SEC24C: variants seen among roughly 807,000 people sequenced by gnomAD.
The protein encoded by SEC24C is protein transport protein Sec24C.
A neutral mutation model predicts 117.0 loss-of-function variants in SEC24C; 22 were observed. That is an observed-to-expected ratio of 0.19 (90% CI 0.13 to 0.27). SEC24C has a LOEUF of 0.27. Ranked by LOEUF, SEC24C falls within the 10% of genes least tolerant of loss-of-function variation. The pLI is 1.00. For missense variants in SEC24C, 1,155 were observed against 1,375.1 expected (o/e 0.84, Z 2.53); for synonymous variants, 506 against 529.4 (o/e 0.96, Z 0.61).
intron 4 of SEC24C, 80 bp from the exon 5 acceptor site, chr10:73,759,936 CTT>C (rs2082770470): frequency 6.6e-7 from 1 of 1,504,616 alleles, no homozygotes; most frequent in Non-Finnish European, 8.9e-7. Context: ...ATTTGCCCCT[CTT>C]GTGTGGAAAG....
In SEC24C at chr10:73,770,149, CTG is replaced by C. The variant is rs1197920249; in HGVS notation, c.2863-130_2863-129del. On this transcript the variant is annotated intron_variant, in intron 20 of 22. Coordinates refer to ENST00000345254, the MANE Select transcript of SEC24C (RefSeq NM_198597.3). ...TATTTTAGCTGATGTAATTTTCACA[CTG>C]AGAGAGTTACTGAGACCCCAGAAGG... The C allele has an allele frequency of 4.0e-6, 5 of 1,244,478 alleles. No individual in the cohort carries two copies. In the Admixed American group the frequency reaches 1.1e-4, roughly 26 times the overall value. The allele number at this position is 1,244,478 out of a possible 1,614,324, so 77.1% of individuals were successfully genotyped here.
Position 73,766,100 on chromosome 10 carries a change from C to T in SEC24C, c.1497C>T (p.Pro499=), listed in dbSNP as rs1268828508. 6.2e-7 allele frequency: 1 copy of T among 1,613,086 alleles called. No homozygotes were observed. The highest frequency in any genetic ancestry group is 8.5e-7 in the Non-Finnish European group (1 of 1,179,914). Residue 499 remains proline (P), a synonymous_variant, in exon 11 of 23, where the codon CCC becomes CCT. Transcript: ENST00000345254. ...TVDYCKNNKF[P]SPPAFIFMID... ...TTCCTCTGCAGAACAATAAGTTCCC[C>T]AGCCCTCCTGCCTTTATCTTCATGA... is the stretch of plus-strand genomic sequence containing the variant.
chr10:73,767,828 T>TC lies in SEC24C; in HGVS notation c.2011-4dup. 6.3e-7 allele frequency: 1 copy of TC among 1,580,940 alleles called. No homozygotes were observed. Among genetic ancestry groups the TC allele is most frequent in the Non-Finnish European group, 8.6e-7 (1 of 1,162,030 alleles). ...AACATTTTCTTCTCCCCATTTTCTT[T>TC]CCCCCTAGACTCTGTTCCAGCCTCA... On this transcript the variant is annotated splice_polypyrimidine_tract_variant and intron_variant, in intron 14 of 22. Transcript: ENST00000345254.
intron 6 of SEC24C, chr10:73,762,008 A>G (rs986842111): frequency 1.2e-5 from 11 of 888,564 alleles, no homozygotes; most frequent in African/African-American, 1.2e-4. Flanking sequence ...TGTCTAACTC[A>G]ACAGGGTTGA....
At chr10:73,765,982 T>G in intron 10 of SEC24C, 67 bp downstream of exon 10, 1 of 1,583,542 alleles carries the variant, frequency 6.3e-7, no homozygotes, top group Non-Finnish European at 8.7e-7. Flanking sequence ...ATGGCTGTTA[T>G]CATTTCCCTC....
chr10:73,757,711 G>T (rs574743981), intron 3 of SEC24C, among the ~76,000 whole-genome samples: 5 of 49,898 alleles, frequency 1.0e-4, no homozygotes, highest in African/African-American at 3.0e-4. Context: ...AGGAGTTCAA[G>T]ACTATCCTGG....
intron 10 of SEC24C, 37 bp downstream of exon 10, chr10:73,765,952 G>A (rs780568747): frequency 6.3e-7 from 1 of 1,595,720 alleles, no homozygotes; most frequent in South Asian, 1.1e-5. Flanking sequence ...AGTGAGTGGA[G>A]GATAATGAGA....
chr10:73,748,857 C>T (rs1338165184), intron 2 of SEC24C, among the ~76,000 whole-genome samples: 2 of 152,086 alleles, frequency 1.3e-5, no homozygotes, highest in Non-Finnish European at 2.9e-5. Context: ...ATTCTCGTGC[C>T]TCAGCCTCCT....
intron 22 of SEC24C, 38 bp from the exon 23 acceptor site, chr10:73,770,917 T>C: frequency 5.0e-6 from 8 of 1,614,008 alleles, no homozygotes; most frequent in Non-Finnish European, 6.8e-6. Flanking sequence ...TTTAATTTCC[T>C]TTGGCCTTGC....
In SEC24C at chr10:73,770,960, C is replaced by T. The variant is rs550455530; in HGVS notation, c.3150C>T (p.Thr1050=). The change falls in exon 23 of 23, where the codon ACC becomes ACT. Residue 1050 remains threonine, a synonymous_variant. Transcript: ENST00000345254. Reference sequence around the variant, plus strand: ...ACCCTGAATTCTGGCCGTAGCTTACCGTGGTGAAACAGGAAGACAAGATGG... The same window carrying T: ...ACCCTGAATTCTGGCCGTAGCTTACTGTGGTGAAACAGGAAGACAAGATGG... The part of the protein sequence containing the change: ...RAQRSRYMKL[T]VVKQEDKMEM... The T allele has an allele frequency of 8.1e-6, 13 of 1,614,100 alleles. No individual in the cohort carries two copies. In the South Asian group the frequency reaches 8.8e-5, roughly 11 times the overall value.
At chr10:73,770,866 G>T (rs1035070053) in intron 22 of SEC24C, 68 bp downstream of exon 22, 1 of 1,611,624 alleles carries the variant, frequency 6.2e-7, no homozygotes, top group African/African-American at 1.3e-5. Context: ...GGGTTGGGTG[G>T]GGAATGAGTA....
chr10:73,767,759 T>A (rs565830796), intron 14 of SEC24C, 78 bp from the exon 15 acceptor site: 1 of 1,117,644 alleles, frequency 8.9e-7, no homozygotes, highest in Non-Finnish European at 1.3e-6. Context: ...GAATATCCCA[T>A]GCTAGATATA....
rs759423747 is a variant in SEC24C at position 73,760,830 on chromosome 10, C to A, written c.968C>A (p.Pro323His). 1 of 1,613,108 alleles carries A rather than the reference C, an allele frequency of 6.2e-7. No individual in the cohort carries two copies. The highest frequency in any genetic ancestry group is 2.2e-5 in the East Asian group (1 of 44,872). ...CCACTGCCTCCTAAGCGCCTGGACC[C>A]TGATGCCATCCCAAGCCCTGTAAGT... ...PQPLPPKRLD[P>H]DAIPSPIQVI... Residue 323 changes from proline to histidine, a missense_variant, in exon 6 of 23, where the codon CCT becomes CAT. By Grantham distance (77) the Pro-to-His change is moderately conservative (BLOSUM62 -2). This residue lies in a region of SEC24C where 759 missense variants were observed against 992.3 expected (regional missense o/e 0.76). Transcript: ENST00000345254.
intron 3 of SEC24C, among the ~76,000 whole-genome samples, chr10:73,758,320 T>G (rs560981281): frequency 3.5e-4 from 53 of 152,198 alleles, no homozygotes; most frequent in Non-Finnish European, 7.1e-4. Context: ...AGCAAAAGTT[T>G]GAGGGGGCTG....
chr10:73,746,924 A>G lies in SEC24C; in HGVS notation c.92A>G (p.Gln31Arg). Residue 31 changes from glutamine (Q) to arginine (R), a missense_variant, in exon 2 of 23, where the codon CAA becomes CGA. Around this residue, in one of 2 missense-constraint regions of SEC24C, gnomAD observed 396 missense variants for 382.8 expected, o/e 1.03. Transcript: ENST00000345254. Reference sequence around the variant, plus strand: ...TATCATCAGTCCAGCTATGGTGGGCAATCAGGGTCCACAGCCCCCGCCATT... The same window carrying G: ...TATCATCAGTCCAGCTATGGTGGGCGATCAGGGTCCACAGCCCCCGCCATT... ...PGYHQSSYGG[Q>R]SGSTAPAIPY... 3 of 1,614,138 alleles carry G rather than the reference A, an allele frequency of 1.9e-6. No homozygotes were observed. Among genetic ancestry groups the G allele is most frequent in the Non-Finnish European group, 2.5e-6 (3 of 1,179,994 alleles).
chr10:73,771,998 A>T lies in SEC24C; in HGVS notation c.*903A>T, dbSNP rs2082992274. 1 of 264,912 alleles carries T rather than the reference A, an allele frequency of 3.8e-6. No individual in the cohort carries two copies. Among genetic ancestry groups the T allele is most frequent in the Non-Finnish European group, 7.1e-6 (1 of 140,882 alleles). 16.4% of individuals were successfully genotyped at this position (264,912 alleles called of 1,614,324 possible). A position where few individuals can be genotyped will look rare whatever the true frequency, so the allele number is the denominator to read the frequency against. On this transcript the variant is annotated 3_prime_UTR_variant, in exon 23 of 23. Coordinates refer to ENST00000345254, the MANE Select transcript of SEC24C (RefSeq NM_198597.3). ...CTGAGTGGCTGACAGTTATCTTCCA[A>T]CCCCAACTGGCTTGGGGGCAGGACA...
intron 6 of SEC24C, among the ~76,000 whole-genome samples, chr10:73,761,810 A>C (rs1422676253): frequency 6.6e-6 from 1 of 151,910 alleles, no homozygotes; most frequent in African/African-American, 2.4e-5. Context: ...CTTCTTCCTT[A>C]AGGTTTCTTC....
At chr10:73,755,977 A>G (rs938049247) in intron 3 of SEC24C, among the ~76,000 whole-genome samples, 4 of 151,886 alleles carry the variant, frequency 2.6e-5, no homozygotes, top group Non-Finnish European at 5.9e-5. Flanking sequence ...TCAGCCTCCC[A>G]AGTAGCTGGG....
chr10:73,755,242 G>T (rs1239138305), intron 3 of SEC24C, among the ~76,000 whole-genome samples: 1 of 152,172 alleles, frequency 6.6e-6, no homozygotes, highest in Non-Finnish European at 1.5e-5. Context: ...ATTTCAAGAA[G>T]GTGAGAGAGT....
Sources: allele counts gnomAD v4.1 joint callset (sites outside exome capture counted in the v4.1 genomes callset), GRCh38; gene constraint gnomAD v4.1.1; regional missense constraint gnomAD v4.1.1; transcripts MANE v1.5; gene names NCBI Gene and HGNC (gene_info 2026-07-23, HGNC 2026-07-21).